Variants in LHCGR observed in about 807,000 individuals in gnomAD.
LHCGR encodes the protein lutropin-choriogonadotropic hormone receptor.
In LHCGR, 55 loss-of-function variants were observed where a neutral mutation model predicts 60.7. That is an observed-to-expected ratio of 0.91 (90% CI 0.73 to 1.13). LHCGR has a LOEUF of 1.13. Ranked by LOEUF, LHCGR falls within the 50% of genes most tolerant of loss-of-function variation. The pLI, the probability that LHCGR is intolerant of heterozygous loss-of-function variation, is 0.00. For synonymous variants in LHCGR, 337 were observed against 316.5 expected, an observed-to-expected ratio of 1.06 and a Z score of -0.69; for missense variants, 862 against 836.0, an observed-to-expected ratio of 1.03 and a Z score of -0.38.
intron 1 of LHCGR, among the ~76,000 whole-genome samples, chr2:48,754,197 C>A (rs912692348): frequency 5.3e-5 from 8 of 152,188 alleles, no homozygotes; most frequent in African/African-American, 1.9e-4. Context: ...ACCCCTCAAC[C>A]CTTTAACTGT....
chr2:48,699,443 G>C (rs1667298940), intron 8 of LHCGR, among the ~76,000 whole-genome samples: 1 of 151,830 alleles, frequency 6.6e-6, no homozygotes, highest in African/African-American at 2.4e-5. Context: ...CTACTTAGCA[G>C]AAGTGAAATA....
intron 3 of LHCGR, 41 bp from the exon 4 acceptor site, chr2:48,725,791 A>T (rs1022300757): frequency 1.3e-5 from 19 of 1,444,042 alleles, no homozygotes; most frequent in Admixed American, 1.7e-5. Context: ...TGTTTAATAG[A>T]TGTGTATTGT....
At chr2:48,721,251 T>A (rs1190467134) in intron 6 of LHCGR, 3 of 157,432 alleles carry the variant, frequency 1.9e-5, no homozygotes, top group African/African-American at 7.2e-5. Flanking sequence ...GGAATTTGTT[T>A]GTTGAATACC....
intron 6 of LHCGR, among the ~76,000 whole-genome samples, chr2:48,718,101 T>C (rs1659638557): frequency 2.0e-5 from 3 of 152,096 alleles, no homozygotes; most frequent in Admixed American, 2.0e-4. Flanking sequence ...GATAACTTTT[T>C]TCCAAAACAT....
chr2:48,755,448 G>T (rs1006773933), intron 1 of LHCGR, 63 bp downstream of exon 1: 3 of 1,032,960 alleles, frequency 2.9e-6, no homozygotes, highest in African/African-American at 1.6e-5. Context: ...GGGAGGGAAG[G>T]TGGCATAGAG....
chr2:48,714,000 C>T lies in LHCGR; in HGVS notation c.591G>A (p.Thr197=), dbSNP rs761936456. ...EEVQSHAFNG[T]TLTSLELKEN... ...CAAATACTTACAGTGAAGTCAGTGT[C>T]GTCCCATTGAATGCATGACTTTGTA... is the stretch of plus-strand genomic sequence containing the variant. The change falls in exon 7 of 11, where the codon ACG becomes ACA. Residue 197 remains threonine (T), a synonymous_variant. Transcript: ENST00000294954. The T allele has an allele frequency of 8.7e-6, 14 of 1,609,688 alleles. No individual in the cohort carries two copies. Among genetic ancestry groups the T allele is most frequent in the African/African-American group, 5.3e-5 (4 of 74,930 alleles).
intron 1 of LHCGR, among the ~76,000 whole-genome samples, chr2:48,753,200 C>T (rs1230100664): frequency 6.6e-6 from 1 of 152,166 alleles, no homozygotes; most frequent in Non-Finnish European, 1.5e-5. Flanking sequence ...TGAGAATATG[C>T]AGTCTAACAT....
At chr2:48,709,137 G>T in intron 7 of LHCGR, 115 bp from the exon 8 acceptor site, 1 of 807,278 alleles carries the variant, frequency 1.2e-6, no homozygotes, top group Non-Finnish European at 2.2e-6. Context: ...GTTAAAAGGG[G>T]GAAAAAGGGT....
intron 7 of LHCGR, among the ~76,000 whole-genome samples, chr2:48,713,683 C>T (rs1304074571): frequency 6.6e-6 from 1 of 152,110 alleles, no homozygotes; most frequent in Non-Finnish European, 1.5e-5. Flanking sequence ...CTCTAACACA[C>T]CATCAACCTG....
chr2:48,688,354 T>G lies in LHCGR; in HGVS notation c.1443A>C (p.Arg481Ser). The G allele has an allele frequency of 6.2e-7, 1 of 1,614,158 alleles. No individual in the cohort carries two copies. The highest frequency in any genetic ancestry group is 8.5e-7 in the Non-Finnish European group (1 of 1,180,024). Reference protein sequence around the residue: ...AIHLDQKLRLRHAILIMLGGW... With the variant: ...AIHLDQKLRLSHAILIMLGGW... ...CTCCAAGCATAATCAGAATGGCATG[T>G]CTTAATCGCAGCTTTTGGTCCAGGT... Residue 481 changes from arginine (R) to serine (S), a missense_variant, in exon 11 of 11, where the codon AGA (arginine) becomes AGC (serine). By Grantham distance (110) the Arg-to-Ser change is moderately radical (BLOSUM62 -1). Transcript: ENST00000294954. The surrounding 1 kb of genome is among the most constrained non-coding windows in gnomAD (Gnocchi z 5.2).
chr2:48,711,246 A>T (rs535643179), intron 7 of LHCGR, among the ~76,000 whole-genome samples: 2 of 152,280 alleles, frequency 1.3e-5, no homozygotes, highest in South Asian at 4.2e-4. Flanking sequence ...CTCAGATCTC[A>T]GTAACAGGTT....
chr2:48,729,860 A>G (rs968309930), intron 2 of LHCGR, among the ~76,000 whole-genome samples: 1 of 152,208 alleles, frequency 6.6e-6, no homozygotes, highest in Non-Finnish European at 1.5e-5. Context: ...TCACTTCTGA[A>G]TCCTTGGTGG....
intron 1 of LHCGR, chr2:48,732,851 G>C (rs751641271): frequency 9.4e-5 from 50 of 534,164 alleles, no homozygotes; most frequent in South Asian, 6.7e-4. Flanking sequence ...ATATAACCTA[G>C]AGAAAGTAAT....
At chr2:48,705,290 G>A (rs1667609239) in intron 8 of LHCGR, among the ~76,000 whole-genome samples, 1 of 152,200 alleles carries the variant, frequency 6.6e-6, no homozygotes, top group East Asian at 1.9e-4. Context: ...TACATTTGGT[G>A]AGGAGTGTTT....
intron 6 of LHCGR, chr2:48,720,600 A>G (rs1229524746): frequency 1.3e-5 from 2 of 152,138 alleles, no homozygotes; most frequent in African/African-American, 4.8e-5. Context: ...CTCACTTTCC[A>G]TTCCTTAAAC....
Position 48,687,808 on chromosome 2 carries a change from G to A in LHCGR, c.1989C>T (p.Cys663=). 6.2e-7 allele frequency: 1 copy of A among 1,614,144 alleles called. No individual in the cohort carries two copies. Among genetic ancestry groups the A allele is most frequent in the Non-Finnish European group, 8.5e-7 (1 of 1,179,998 alleles). ...TATTTGATCCAGTGAAGCCATTTTT[G>A]CAGTTGGAGGTGTAAGCTGAAAAAT... ...RKDFSAYTSN[C]KNGFTGSNKP... The change falls in exon 11 of 11, where the codon TGC becomes TGT. Residue 663 remains cysteine, a synonymous_variant. Transcript: ENST00000294954.
intron 10 of LHCGR, among the ~76,000 whole-genome samples, chr2:48,693,746 T>A (rs914919607): frequency 2.0e-5 from 3 of 152,144 alleles, no homozygotes; most frequent in Admixed American, 1.3e-4. Context: ...TTCCATCCAG[T>A]GTATGTGGTA....
At chr2:48,728,397 C>T (rs1668841833) in intron 3 of LHCGR, among the ~76,000 whole-genome samples, 1 of 152,166 alleles carries the variant, frequency 6.6e-6, no homozygotes, top group African/African-American at 2.4e-5. Flanking sequence ...ACTTTTGAAA[C>T]TCCAAAGTAG....
At position 48,687,393 on chromosome 2, in the gene LHCGR, A is replaced by G. The variant is rs552844457; in HGVS notation, c.*304T>C. The G allele has an allele frequency of 1.0e-4, 32 of 316,258 alleles. No homozygotes were observed. In the South Asian group the frequency reaches 1.4e-3, roughly 14 times the overall value. The allele number at this position is 316,258 out of a possible 1,614,324, so 19.6% of individuals were successfully genotyped here. A position where few individuals can be genotyped will look rare whatever the true frequency, so the allele number is the denominator to read the frequency against. ...ATACAAATTACGAAAATGAAAAAAA[A>G]GATATGCAAAATACCTCCTCAGTTT... On this transcript the variant is annotated 3_prime_UTR_variant, in exon 11 of 11. Transcript: ENST00000294954.
Sources: gnomAD v4.1 joint callset for allele counts (sites outside exome capture counted in the v4.1 genomes callset) on GRCh38, gnomAD v4.1.1 for gene constraint, Gnocchi (gnomAD v3.1) non-coding constraint, MANE v1.5 for transcripts, NCBI Gene and HGNC (gene_info 2026-07-23, HGNC 2026-07-21) for gene names.